Variants in CELF4 observed in about 807,000 individuals in gnomAD.
CELF4 encodes the protein CUGBP Elav-like family member 4, also known as CUG-BP- and ETR-3-like factor 4.
Under a neutral mutation model 59.9 loss-of-function variants are expected in CELF4, and 18 were observed. That is an observed-to-expected ratio of 0.30 (90% CI 0.21 to 0.45). The LOEUF (loss-of-function observed/expected upper bound fraction) is 0.45, where lower values mean the gene tolerates loss of function less well. CELF4 is among the 20% of genes least tolerant of loss of function. The probability of loss-of-function intolerance (pLI) is 1.00; values close to 1 mark genes in which losing one functional copy is unlikely to be tolerated. For synonymous variants in CELF4, 261 were observed against 267.1 expected (o/e 0.98, Z 0.22); for missense variants, 456 against 689.0 (o/e 0.66, Z 3.79).
At chr18:37,419,408 T>G (rs1418805857) in intron 2 of CELF4, among the ~76,000 whole-genome samples, 2 of 152,250 alleles carry the variant, frequency 1.3e-5, no homozygotes, top group East Asian at 3.9e-4. Context: ...GCAGGAGAGA[T>G]GGGGCCAGAG....
chr18:37,397,229 G>C (rs1229734502), intron 2 of CELF4, among the ~76,000 whole-genome samples: 1 of 152,184 alleles, frequency 6.6e-6, no homozygotes, highest in Non-Finnish European at 1.5e-5. Flanking sequence ...TCCTTGCGGT[G>C]CTTGCACAAC....
chr18:37,306,380 C>G (rs1313101208), intron 3 of CELF4: 1 of 152,464 alleles, frequency 6.6e-6, no homozygotes, highest in African/African-American at 2.4e-5. Context: ...CTGATGTCTT[C>G]ATGCCTGTGA....
At chr18:37,343,598 T>A (rs1424384298) in intron 2 of CELF4, among the ~76,000 whole-genome samples, 1 of 151,728 alleles carries the variant, frequency 6.6e-6, no homozygotes, top group African/African-American at 2.4e-5. Flanking sequence ...GGGTTGCGTG[T>A]GTATATGTGG....
chr18:37,381,441 G>A (rs1474096422), intron 2 of CELF4, among the ~76,000 whole-genome samples: 1 of 152,092 alleles, frequency 6.6e-6, no homozygotes, highest in Non-Finnish European at 1.5e-5. Flanking sequence ...GCTGATGCTT[G>A]TATCACATTA....
chr18:37,533,189 T>C (rs1320072232), intron 1 of CELF4, among the ~76,000 whole-genome samples: 8 of 152,248 alleles, frequency 5.3e-5, no homozygotes, highest in Non-Finnish European at 8.8e-5. Flanking sequence ...CTCCTTCCAT[T>C]GCTGGAGAGC....
intron 2 of CELF4, among the ~76,000 whole-genome samples, chr18:37,422,291 G>A (rs2154594054): frequency 6.6e-6 from 1 of 152,314 alleles, no homozygotes; most frequent in African/African-American, 2.4e-5. Context: ...GGCCAGTCAG[G>A]GGCCACCCTT....
chr18:37,365,589 G>A lies in CELF4; in HGVS notation c.370-43708C>T, dbSNP rs183222091. Among the ~76,000 whole-genome samples, 45 of 144,942 alleles carry A rather than the reference G, an allele frequency of 3.1e-4. No homozygotes were observed. The East Asian group carries it at 8.9e-3, about 29-fold the overall frequency. ...CAACTTCTGCCTCCTGGGTTCAAGCGATTCTCCTGCCTCAACCTCCTGAGT... is the reference window on the plus strand; with the variant it reads ...CAACTTCTGCCTCCTGGGTTCAAGCAATTCTCCTGCCTCAACCTCCTGAGT... On this transcript the variant is annotated intron_variant, in intron 2 of 12. Coordinates refer to ENST00000420428, the MANE Select transcript of CELF4 (RefSeq NM_020180.4).
chr18:37,497,617 G>T (rs2099926620), intron 1 of CELF4, among the ~76,000 whole-genome samples: 1 of 149,378 alleles, frequency 6.7e-6, no homozygotes, highest in African/African-American at 2.5e-5. Flanking sequence ...ACACCACTGT[G>T]CTCCAGCCTC....
intron 2 of CELF4, among the ~76,000 whole-genome samples, chr18:37,443,382 T>C (rs1451786521): frequency 1.3e-5 from 2 of 152,238 alleles, no homozygotes; most frequent in East Asian, 3.9e-4. Flanking sequence ...TGCCCTGTGC[T>C]ACCCCATACT....
At chr18:37,291,193 G>A (rs1161806116) in intron 3 of CELF4, among the ~76,000 whole-genome samples, 1 of 152,190 alleles carries the variant, frequency 6.6e-6, no homozygotes, top group Non-Finnish European at 1.5e-5. Context: ...ACAGGCATGA[G>A]CCACCGTGCC....
chr18:37,258,526 G>A (rs890358274), intron 11 of CELF4, among the ~76,000 whole-genome samples: 3 of 152,188 alleles, frequency 2.0e-5, no homozygotes, highest in African/African-American at 7.2e-5. Context: ...TGAGGGCAGG[G>A]ACCAGTCTCC....
intron 3 of CELF4, among the ~76,000 whole-genome samples, chr18:37,297,862 TGCAAA>T (rs1172915398): frequency 6.6e-6 from 1 of 152,224 alleles, no homozygotes; most frequent in Non-Finnish European, 1.5e-5. Flanking sequence ...GCCTGGGCCA[TGCAAA>T]GGCCCAGATG....
At chr18:37,342,173 A>G (rs2098074366) in intron 2 of CELF4, among the ~76,000 whole-genome samples, 1 of 151,766 alleles carries the variant, frequency 6.6e-6, no homozygotes, top group Non-Finnish European at 1.5e-5. Context: ...GTGTCCTGGT[A>G]GGGCTGTGGC....
intron 3 of CELF4, among the ~76,000 whole-genome samples, chr18:37,299,187 A>G (rs2095850832): frequency 6.6e-6 from 1 of 152,174 alleles, no homozygotes; most frequent in Non-Finnish European, 1.5e-5. Flanking sequence ...GAGGGCACTA[A>G]ACAGAGGCAG....
At chr18:37,399,540 A>G (rs1326551931) in intron 2 of CELF4, among the ~76,000 whole-genome samples, 4 of 152,180 alleles carry the variant, frequency 2.6e-5, no homozygotes, top group East Asian at 1.9e-4. Context: ...CACCAACACA[A>G]TGCCTGGTAT....
At chr18:37,364,084 C>G (rs1035735302) in intron 2 of CELF4, among the ~76,000 whole-genome samples, 2 of 152,210 alleles carry the variant, frequency 1.3e-5, no homozygotes, top group East Asian at 3.8e-4. Context: ...TATGCAATAC[C>G]TTGTCCTCAG....
chr18:37,296,771 T>C lies in CELF4; in HGVS notation c.449-21528A>G, dbSNP rs565385670. 2.0e-3 allele frequency among the ~76,000 whole-genome samples: 312 copies of C among 152,280 alleles called. 6 individuals carry two copies. Among genetic ancestry groups the C allele is most frequent in the Non-Finnish European group, 2.5e-3 (173 of 68,024 alleles). On this transcript the variant is annotated intron_variant, in intron 3 of 12. Transcript: ENST00000420428. Reference sequence around the variant, plus strand: ...CCCTAACTGTGGGCCCCATTGACGGTCCAGCATCATTCTATGTCCTCCTGT... The same window carrying C: ...CCCTAACTGTGGGCCCCATTGACGGCCCAGCATCATTCTATGTCCTCCTGT...
At chr18:37,387,342 A>G (rs1157627600) in intron 2 of CELF4, among the ~76,000 whole-genome samples, 2 of 152,198 alleles carry the variant, frequency 1.3e-5, no homozygotes, top group Admixed American at 1.3e-4. Flanking sequence ...GGGCCCTCAC[A>G]ACCTGCCCTG....
rs561464294 is a variant in CELF4 at position 37,243,186 on chromosome 18, C to CTTTTTTTTTTTTT, written c.*2043_*2055dup. The CTTTTTTTTTTTTT allele has an allele frequency of 2.0e-5, 2 of 100,552 alleles. No individual in the cohort carries two copies. Among genetic ancestry groups the CTTTTTTTTTTTTT allele is most frequent in the Non-Finnish European group, 3.8e-5 (2 of 52,220 alleles). 6.2% of individuals were successfully genotyped at this position (100,552 alleles called of 1,614,324 possible). On this transcript the variant is annotated 3_prime_UTR_variant, in exon 13 of 13. Transcript: ENST00000420428. ...TGTTTTCTTTTTTTTTTCTTTTTTT[C>CTTTTTTTTTTTTT]TTTTTTTTTTTTTTTTTTTTACATC...
Sources: gnomAD v4.1 joint callset for allele counts (sites outside exome capture counted in the v4.1 genomes callset) on GRCh38, gnomAD v4.1.1 for gene constraint, MANE v1.5 for transcripts, NCBI Gene and HGNC (gene_info 2026-07-23, HGNC 2026-07-21) for gene names.